HS6ST3: variants seen among roughly 807,000 people sequenced by gnomAD.
The protein encoded by HS6ST3 is heparan sulfate 6-O-sulfotransferase 3.
In HS6ST3, 12 loss-of-function variants were observed where a neutral mutation model predicts 36.7. The observed-to-expected ratio is 0.33, with a 90% confidence interval of 0.21 to 0.53. HS6ST3 has a LOEUF of 0.53. HS6ST3 is among the 20% of genes least tolerant of loss of function. HS6ST3 has a pLI of 0.95. For synonymous variants in HS6ST3, 240 were observed against 257.5 expected (o/e 0.93, Z 0.65); for missense variants, 584 against 640.9 (o/e 0.91, Z 0.96).
intron 1 of HS6ST3, among the ~76,000 whole-genome samples, chr13:96,343,002 G>A (rs950639921): frequency 6.6e-6 from 1 of 152,078 alleles, no homozygotes; most frequent in African/African-American, 2.4e-5. Flanking sequence ...TCTCTTAAAG[G>A]GTCTTGGCAT....
intron 1 of HS6ST3, among the ~76,000 whole-genome samples, chr13:96,279,101 A>T (rs183275643): frequency 2.0e-4 from 31 of 152,304 alleles, no homozygotes; most frequent in South Asian, 8.3e-4. Context: ...AAACCATCAG[A>T]GAGTAATTGA....
intron 1 of HS6ST3, among the ~76,000 whole-genome samples, chr13:96,794,966 G>T (rs1566455541): frequency 6.6e-6 from 1 of 151,986 alleles, no homozygotes; most frequent in Non-Finnish European, 1.5e-5. Context: ...GCTTTTTCCA[G>T]CTGATGAGTT....
chr13:96,249,146 AC>A (rs1376910878), intron 1 of HS6ST3, among the ~76,000 whole-genome samples: 1 of 152,018 alleles, frequency 6.6e-6, no homozygotes, highest in Non-Finnish European at 1.5e-5. Flanking sequence ...TTTATCTCAA[AC>A]CCTGTTCTCT....
At chr13:96,480,963 A>T (rs1013912503) in intron 1 of HS6ST3, among the ~76,000 whole-genome samples, 1 of 152,230 alleles carries the variant, frequency 6.6e-6, no homozygotes, top group African/African-American at 2.4e-5. Context: ...TTTTGCTTAG[A>T]TTCATTCTAA....
Position 96,409,694 on chromosome 13 carries a change from T to C in HS6ST3, c.707+318125T>C, listed in dbSNP as rs534068259. 2.1e-3 allele frequency among the ~76,000 whole-genome samples: 326 copies of C among 152,290 alleles called. 4 individuals carry two copies. The highest frequency in any genetic ancestry group is 7.2e-4 in the Non-Finnish European group (49 of 68,022). ...TATGATAAGCATCTCATATGAATCA[T>C]CTCTAATCTTAAAGCAGTCTGCAAG... is the stretch of plus-strand genomic sequence containing the variant. On this transcript the variant is annotated intron_variant, in intron 1 of 1. Coordinates refer to ENST00000376705, the MANE Select transcript of HS6ST3 (RefSeq NM_153456.4).
chr13:96,304,865 C>T (rs1396388907), intron 1 of HS6ST3, among the ~76,000 whole-genome samples: 1 of 151,738 alleles, frequency 6.6e-6, no homozygotes, highest in Non-Finnish European at 1.5e-5. Context: ...CACCTGCCAC[C>T]ATGCCCAGCT....
intron 1 of HS6ST3, among the ~76,000 whole-genome samples, chr13:96,804,167 G>A (rs1230140812): frequency 2.0e-5 from 3 of 151,782 alleles, no homozygotes; most frequent in South Asian, 2.1e-4. Context: ...AAAAGAAAAA[G>A]GCATGGAGTC....
At chr13:96,168,055 TTG>T (rs769403737) in intron 1 of HS6ST3, among the ~76,000 whole-genome samples, 17 of 152,234 alleles carry the variant, frequency 1.1e-4, no homozygotes, top group Non-Finnish European at 2.2e-4. Flanking sequence ...GGCAGTAATA[TTG>T]TGTTTCTTAA....
intron 1 of HS6ST3, among the ~76,000 whole-genome samples, chr13:96,591,624 G>C (rs2056382572): frequency 6.6e-6 from 1 of 151,856 alleles, no homozygotes. Context: ...TCCAAATATA[G>C]GATCATTTCA....
At chr13:96,204,048 T>C (rs1455261138) in intron 1 of HS6ST3, among the ~76,000 whole-genome samples, 3 of 152,208 alleles carry the variant, frequency 2.0e-5, no homozygotes, top group South Asian at 2.1e-4. Flanking sequence ...TAAACTGTTA[T>C]GTGACTATTA....
chr13:96,654,803 A>T (rs2139015066), intron 1 of HS6ST3, among the ~76,000 whole-genome samples: 1 of 152,260 alleles, frequency 6.6e-6, no homozygotes, highest in Admixed American at 6.5e-5. Context: ...GTCTGTAGTG[A>T]AGCAGACTCT....
chr13:96,577,556 A>G (rs2138966564), intron 1 of HS6ST3, among the ~76,000 whole-genome samples: 1 of 152,328 alleles, frequency 6.6e-6, no homozygotes, highest in Non-Finnish European at 1.5e-5. Flanking sequence ...GCTGGGTCAA[A>G]TGGTATTTCT....
intron 1 of HS6ST3, among the ~76,000 whole-genome samples, chr13:96,727,119 C>T: frequency 6.6e-6 from 1 of 152,150 alleles, no homozygotes; most frequent in Admixed American, 6.6e-5. Context: ...ATACTCTTTA[C>T]TCAGCACCTA....
intron 1 of HS6ST3, among the ~76,000 whole-genome samples, chr13:96,099,063 C>A (rs1368597790): frequency 6.6e-6 from 1 of 152,132 alleles, no homozygotes; most frequent in Non-Finnish European, 1.5e-5. Context: ...CCTGCCTCAG[C>A]CTCCCGAGTA....
chr13:96,134,403 T>A (rs1308335772), intron 1 of HS6ST3, among the ~76,000 whole-genome samples: 5 of 151,982 alleles, frequency 3.3e-5, no homozygotes, highest in Non-Finnish European at 7.4e-5. Context: ...TACCTTTATT[T>A]ATCTTCTTTT....
At chr13:96,464,608 C>T (rs957141868) in intron 1 of HS6ST3, among the ~76,000 whole-genome samples, 10 of 151,888 alleles carry the variant, frequency 6.6e-5, no homozygotes, top group South Asian at 2.1e-4. Context: ...TATATAAGTA[C>T]GTAGTTACAT....
intron 1 of HS6ST3, among the ~76,000 whole-genome samples, chr13:96,744,733 G>A (rs1015559753): frequency 6.6e-6 from 1 of 151,996 alleles, no homozygotes; most frequent in African/African-American, 2.4e-5. Context: ...AGCTTTCTGC[G>A]GTGGCAGGGT....
At chr13:96,497,718 G>A (rs1199076328) in intron 1 of HS6ST3, among the ~76,000 whole-genome samples, 1 of 152,138 alleles carries the variant, frequency 6.6e-6, no homozygotes, top group East Asian at 1.9e-4. Flanking sequence ...AAAATTCTGA[G>A]TGAGGCTTCA....
intron 1 of HS6ST3, among the ~76,000 whole-genome samples, chr13:96,170,407 G>A (rs2054182092): frequency 6.6e-6 from 1 of 152,222 alleles, no homozygotes; most frequent in Admixed American, 6.5e-5. Context: ...ATAGAGAATA[G>A]CAACTTGATG....
Sources: allele counts gnomAD v4.1 joint callset (sites outside exome capture counted in the v4.1 genomes callset), GRCh38; gene constraint gnomAD v4.1.1; transcripts MANE v1.5; gene names NCBI Gene and HGNC (gene_info 2026-07-23, HGNC 2026-07-21).